Variants in PTPRS observed in about 807,000 individuals in gnomAD.
PTPRS encodes the protein protein tyrosine phosphatase receptor type S.
In PTPRS, 63 loss-of-function variants were observed where a neutral mutation model predicts 215.3. The observed-to-expected ratio is 0.29, with a 90% CI of 0.24 to 0.36. The LOEUF (loss-of-function observed/expected upper bound fraction) is 0.36. Among genes scored for constraint, PTPRS ranks in the 10% least tolerant of loss-of-function variants. PTPRS has a pLI of 1.00. For missense variants in PTPRS, 2,258 were observed against 2,825.8 expected, an observed-to-expected ratio of 0.80 and a Z score of 4.56; for synonymous variants, 1,404 against 1,191.4, an observed-to-expected ratio of 1.18 and a Z score of -3.68.
At chr19:5,220,184 A>G in intron 21 of PTPRS, 30 bp from the exon 22 acceptor site, 1 of 1,609,168 alleles carries the variant, frequency 6.2e-7, no homozygotes, top group Non-Finnish European at 8.5e-7. Flanking sequence ...GGTGGCTCAG[A>G]GCTCAGCTGG....
intron 13 of PTPRS, among the ~76,000 whole-genome samples, chr19:5,232,303 A>T (rs1178446419): frequency 1.5e-5 from 2 of 137,508 alleles, no homozygotes; most frequent in African/African-American, 5.6e-5. Context: ...GTGCCAAGGG[A>T]AACAGCAACA....
chr19:5,253,384 T>A (rs1016656888), intron 9 of PTPRS, among the ~76,000 whole-genome samples: 3 of 152,196 alleles, frequency 2.0e-5, no homozygotes, highest in African/African-American at 7.2e-5. Flanking sequence ...CTTTTTGCAA[T>A]TAATTCCTGT....
intron 2 of PTPRS, among the ~76,000 whole-genome samples, chr19:5,278,709 A>T (rs2047601605): frequency 6.6e-6 from 1 of 151,912 alleles, no homozygotes; most frequent in Non-Finnish European, 1.5e-5. Flanking sequence ...TCTTGGCCTC[A>T]GGTGATCCAA....
intron 11 of PTPRS, among the ~76,000 whole-genome samples, chr19:5,243,030 G>A (rs1386188377): frequency 6.6e-6 from 1 of 151,918 alleles, no homozygotes; most frequent in Non-Finnish European, 1.5e-5. Context: ...TATTGTCCAG[G>A]CTGGACTGAA....
chr19:5,299,464 T>A (rs981822122), intron 1 of PTPRS, among the ~76,000 whole-genome samples: 4 of 152,234 alleles, frequency 2.6e-5, no homozygotes, highest in African/African-American at 7.2e-5. Context: ...TCCTCAGAAA[T>A]GCCCTGGCTG....
chr19:5,312,574 C>CTGCT (rs1568606199), intron 1 of PTPRS, among the ~76,000 whole-genome samples: 2 of 152,132 alleles, frequency 1.3e-5, no homozygotes, highest in Non-Finnish European at 2.9e-5. Flanking sequence ...GGCAGGAGGA[C>CTGCT]TGCTTGAGCC....
chr19:5,302,290 G>A (rs1771060737), intron 1 of PTPRS, among the ~76,000 whole-genome samples: 2 of 152,176 alleles, frequency 1.3e-5, no homozygotes, highest in African/African-American at 4.8e-5. Context: ...CTTGTGACCA[G>A]GAGTTTGAGG....
At chr19:5,219,236 G>C in intron 23 of PTPRS, 74 bp downstream of exon 23, 1 of 1,573,378 alleles carries the variant, frequency 6.4e-7, no homozygotes, top group Non-Finnish European at 8.7e-7. Context: ...ATGATTCTCT[G>C]AGACAACTCC....
intron 1 of PTPRS, among the ~76,000 whole-genome samples, chr19:5,301,460 T>G (rs577982275): frequency 4.3e-4 from 66 of 152,000 alleles, no homozygotes; most frequent in African/African-American, 1.5e-3. Context: ...GGATTACAGG[T>G]GCCCACCACC....
At chr19:5,333,670 C>A (rs924741742) in intron 1 of PTPRS, among the ~76,000 whole-genome samples, 2 of 152,030 alleles carry the variant, frequency 1.3e-5, no homozygotes, top group Admixed American at 1.3e-4. Context: ...TGGTGCCCCC[C>A]ACACCAGTTC....
At chr19:5,216,817 G>T (rs764113427) in intron 25 of PTPRS, 50 bp from the exon 26 acceptor site, 7 of 1,284,894 alleles carry the variant, frequency 5.4e-6, no homozygotes, top group Middle Eastern at 1.9e-4. Context: ...GGGTAGGGGG[G>T]GGTCCCACCT....
In PTPRS at chr19:5,293,638, T is replaced by C. The variant is rs1205758855; in HGVS notation, c.-94-7404A>G. Among the ~76,000 whole-genome samples, 10 of 151,236 alleles carry C rather than the reference T, an allele frequency of 6.6e-5. No homozygotes were observed. The highest frequency in any genetic ancestry group is 2.4e-4 in the African/African-American group (10 of 41,136). On this transcript the variant is annotated intron_variant, in intron 1 of 37. Coordinates refer to ENST00000262963, the MANE Select transcript of PTPRS (RefSeq NM_002850.4). This position sits in a 1 kb window ranked among gnomAD's most constrained non-coding sequence, Gnocchi z 8.4. ...GGAGGGCTCCCCAAACACACCCAAC[T>C]ACAGGAGGTCGGAGAAGGGGCAGAG...
intron 3 of PTPRS, 63 bp downstream of exon 3, chr19:5,274,136 G>T: frequency 6.4e-7 from 1 of 1,562,102 alleles, no homozygotes; most frequent in Non-Finnish European, 8.7e-7. Flanking sequence ...CTGTGGCTGA[G>T]GTGCTGTGGC....
intron 1 of PTPRS, among the ~76,000 whole-genome samples, chr19:5,289,143 C>T (rs937231641): frequency 6.6e-6 from 1 of 152,152 alleles, no homozygotes; most frequent in African/African-American, 2.4e-5. Context: ...CTAGGAGAAC[C>T]TCCCATGATG....
rs942270803 is a variant in PTPRS, at chr19:5,208,017, T to A, written c.5683A>T (p.Ile1895Phe). The A allele has an allele frequency of 1.2e-6, 2 of 1,613,952 alleles. No individual in the cohort carries two copies. The highest frequency in any genetic ancestry group is 1.7e-6 in the Non-Finnish European group (2 of 1,180,002). ...TCATACCGCATCCGCTCCAGCACGA[T>A]GCTAAGCGTGATGAAGACGCCCGTC... is the stretch of plus-strand genomic sequence containing the variant. The part of the protein sequence containing the change: ...GRTGVFITLS[I>F]VLERMRYEGV... Residue 1895 changes from isoleucine to phenylalanine, a missense_variant, in exon 37 of 38, where the codon ATC becomes TTC. Coordinates refer to ENST00000262963, the MANE Select transcript of PTPRS (RefSeq NM_002850.4).
At chr19:5,224,426 C>G (rs1052103790) in intron 17 of PTPRS, among the ~76,000 whole-genome samples, 2 of 152,140 alleles carry the variant, frequency 1.3e-5, no homozygotes, top group African/African-American at 4.8e-5. Context: ...GGCCCTTGCT[C>G]AATGCAGGCA....
In PTPRS at chr19:5,215,624, T is replaced by C. The variant is rs577104972; in HGVS notation, c.4097-29A>G. On this transcript the variant is annotated intron_variant, in intron 26 of 37. Coordinates refer to ENST00000262963, the MANE Select transcript of PTPRS (RefSeq NM_002850.4). ...CAGGGTGGAGCAGACCCCGCCGGGG[T>C]TGGTCACTTGGGGGGCCAGCCGGGG... The C allele has an allele frequency of 3.7e-4, 571 of 1,546,434 alleles. 3 individuals are homozygous for C. The highest frequency in any genetic ancestry group is 4.4e-4 in the Middle Eastern group (2 of 4,562).
At chr19:5,233,975 A>AAAAAAAAAAAAAC (rs2043223951) in intron 13 of PTPRS, among the ~76,000 whole-genome samples, 1 of 137,150 alleles carries the variant, frequency 7.3e-6, no homozygotes, top group Non-Finnish European at 1.6e-5. Context: ...AAAAAAAAAA[A>AAAAAAAAAAAAAC]AATCTATATG....
At position 5,212,241 on chromosome 19, in the gene PTPRS, C is replaced by T; in HGVS notation, c.4779G>A (p.Val1593=). 2.5e-6 allele frequency: 4 copies of T among 1,610,510 alleles called. No homozygotes were observed. The highest frequency in any genetic ancestry group is 3.4e-6 in the Non-Finnish European group (4 of 1,177,612). ...GPIVVHCSAG[V]GRTGCFIVID... ...TGACGATAAAGCAGCCTGTGCGGCC[C>T]ACACCGGCACTGCAGGGACAGCCAC... The change falls in exon 32 of 38, where the codon GTG becomes GTA. Residue 1593 remains valine (V), a synonymous_variant. Coordinates refer to ENST00000262963, the MANE Select transcript of PTPRS (RefSeq NM_002850.4).
Sources: gnomAD v4.1 joint callset for allele counts (sites outside exome capture counted in the v4.1 genomes callset) on GRCh38, gnomAD v4.1.1 for gene constraint, Gnocchi (gnomAD v3.1) non-coding constraint, MANE v1.5 for transcripts, NCBI Gene and HGNC (gene_info 2026-07-23, HGNC 2026-07-21) for gene names.